Variants in PTPRK observed in about 807,000 individuals in gnomAD.
PTPRK encodes protein tyrosine phosphatase receptor type K.
In PTPRK, 75 loss-of-function variants were observed where a neutral mutation model predicts 178.0. The ratio of observed to expected loss-of-function variants is 0.42; its 90% CI spans 0.35 to 0.51. The LOEUF (loss-of-function observed/expected upper bound fraction) is 0.51. PTPRK is among the 20% of genes least tolerant of loss of function. PTPRK has a pLI of 0.02. For missense variants in PTPRK, 1,441 were observed against 1,797.8 expected (o/e 0.80, Z 3.59); for synonymous variants, 637 against 620.6 (o/e 1.03, Z -0.39).
At chr6:128,325,647 G>T (rs1027695773) in intron 2 of PTPRK, among the ~76,000 whole-genome samples, 1 of 152,046 alleles carries the variant, frequency 6.6e-6, no homozygotes, top group African/African-American at 2.4e-5. Context: ...TTAGAATGGT[G>T]ATCATTAAAA....
At chr6:127,998,648 G>GA (rs568531360) in intron 16 of PTPRK, 72 bp downstream of exon 16, 10 of 1,327,134 alleles carry the variant, frequency 7.5e-6, no homozygotes, top group African/African-American at 1.5e-5. Context: ...TAAAGAGAGG[G>GA]AAAAAAATGC....
At chr6:128,045,874 A>G (rs1231016491) in intron 13 of PTPRK, among the ~76,000 whole-genome samples, 1 of 152,046 alleles carries the variant, frequency 6.6e-6, no homozygotes, top group Admixed American at 6.6e-5. Context: ...CAATTTGACC[A>G]CTCGTTAGCC....
chr6:128,105,022 C>CG (rs1789444924), intron 7 of PTPRK, among the ~76,000 whole-genome samples: 2 of 151,920 alleles, frequency 1.3e-5, no homozygotes, highest in African/African-American at 4.8e-5. Flanking sequence ...TAATGATATT[C>CG]ATTTTTAATT....
intron 1 of PTPRK, 117 bp downstream of exon 1, chr6:128,520,142 C>T: frequency 1.1e-6 from 1 of 890,572 alleles, no homozygotes; most frequent in Non-Finnish European, 1.7e-6. Flanking sequence ...GTGTTCCCCA[C>T]CCCCGGACAG....
At position 127,998,807 on chromosome 6, in the gene PTPRK, C is replaced by T. The variant is rs369535824; in HGVS notation, c.2592G>A (p.Leu864=). 225 of 1,610,786 alleles carry T rather than the reference C, an allele frequency of 1.4e-4. No individual in the cohort carries two copies. The highest frequency in any genetic ancestry group is 1.9e-4 in the Non-Finnish European group (222 of 1,178,088). ...GTESPYQTGQ[L]HPAIRVADLL... is the part of the protein sequence containing the mutation. ...AATCAGCTACCCTGATGGCTGGATGCAGCTGTCCTGTCTGGTAAGGGGATT... is the reference window on the plus strand; with the variant it reads ...AATCAGCTACCCTGATGGCTGGATGTAGCTGTCCTGTCTGGTAAGGGGATT... Residue 864 remains leucine (L), a synonymous_variant, in exon 16 of 30, where the codon CTG becomes CTA. Coordinates refer to ENST00000368226, the MANE Select transcript of PTPRK (RefSeq NM_002844.4).
chr6:128,163,104 T>C (rs1271846486), intron 7 of PTPRK, among the ~76,000 whole-genome samples: 1 of 151,364 alleles, frequency 6.6e-6, no homozygotes, highest in African/African-American at 2.4e-5. Flanking sequence ...CTACCTTTAC[T>C]TCATTGAGAT....
intron 3 of PTPRK, among the ~76,000 whole-genome samples, chr6:128,307,761 C>T (rs1327235603): frequency 1.3e-5 from 2 of 152,108 alleles, no homozygotes; most frequent in African/African-American, 4.8e-5. Context: ...ACAATATTAT[C>T]TTTACCTAAT....
At chr6:128,367,477 T>A (rs1835674485) in intron 2 of PTPRK, among the ~76,000 whole-genome samples, 2 of 152,250 alleles carry the variant, frequency 1.3e-5, no homozygotes, top group Admixed American at 1.3e-4. Flanking sequence ...ATGTATCCAA[T>A]ATTATCCAAC....
chr6:128,086,558 C>T (rs1037735632), intron 8 of PTPRK, among the ~76,000 whole-genome samples: 1 of 152,072 alleles, frequency 6.6e-6, no homozygotes, highest in Non-Finnish European at 1.5e-5. Context: ...TATTAGGTGG[C>T]TGATAATTTA....
At chr6:128,192,601 C>T (rs1803993035) in intron 6 of PTPRK, among the ~76,000 whole-genome samples, 1 of 152,044 alleles carries the variant, frequency 6.6e-6, no homozygotes, top group Non-Finnish European at 1.5e-5. Context: ...AGGCAAATCG[C>T]TCGAGCCCAG....
intron 1 of PTPRK, among the ~76,000 whole-genome samples, chr6:128,434,962 T>TGCAGGCAGGCAG (rs373811894): frequency 2.7e-5 from 4 of 150,068 alleles, no homozygotes; most frequent in East Asian, 3.9e-4. Flanking sequence ...AGGTCAAGGT[T>TGCAGGCAGGCAG]GCAGGCAGGC....
intron 13 of PTPRK, among the ~76,000 whole-genome samples, chr6:128,063,690 A>G (rs905209646): frequency 6.6e-6 from 1 of 152,196 alleles, no homozygotes; most frequent in Admixed American, 6.5e-5. Context: ...TTAAATAAAA[A>G]CTACCAAAAG....
intron 1 of PTPRK, among the ~76,000 whole-genome samples, chr6:128,503,174 C>T (rs1855811586): frequency 6.6e-6 from 1 of 152,124 alleles, no homozygotes; most frequent in Non-Finnish European, 1.5e-5. Flanking sequence ...TGCAGTGAGC[C>T]GAGATCGCGC....
intron 1 of PTPRK, among the ~76,000 whole-genome samples, chr6:128,433,095 ATATT>A (rs1845048553): frequency 6.6e-6 from 1 of 152,158 alleles, no homozygotes; most frequent in Non-Finnish European, 1.5e-5. Context: ...ATTTACTCAA[ATATT>A]TATCATTTAT....
chr6:128,520,502 G>A lies in PTPRK; in HGVS notation c.-144C>T, dbSNP rs1027152106. On this transcript the variant is annotated 5_prime_UTR_variant, in exon 1 of 30. Coordinates refer to ENST00000368226, the MANE Select transcript of PTPRK (RefSeq NM_002844.4). ...GCCCGCCCGCCCTTTTTCCTTCTTC[G>A]CGGTCGCCAAACTACCTCAGGGGCG... The A allele has an allele frequency of 4.0e-6, 3 of 748,932 alleles. No individual in the cohort carries two copies. Among genetic ancestry groups the A allele is most frequent in the Middle Eastern group, 6.1e-4 (2 of 3,304 alleles). 46.4% of individuals were successfully genotyped at this position (748,932 alleles called of 1,614,324 possible).
intron 1 of PTPRK, among the ~76,000 whole-genome samples, chr6:128,480,656 C>T (rs1206873527): frequency 6.6e-6 from 1 of 152,080 alleles, no homozygotes; most frequent in Non-Finnish European, 1.5e-5. Flanking sequence ...AGTTTAACAC[C>T]CTCATTTTCC....
At chr6:128,081,778 A>T (rs1172496117) in intron 10 of PTPRK, among the ~76,000 whole-genome samples, 1 of 152,050 alleles carries the variant, frequency 6.6e-6, no homozygotes, top group Non-Finnish European at 1.5e-5. Context: ...TACAAAGCTA[A>T]CTCCTTGCAA....
intron 7 of PTPRK, among the ~76,000 whole-genome samples, chr6:128,104,604 T>C (rs1789373038): frequency 6.6e-6 from 1 of 152,222 alleles, no homozygotes; most frequent in Non-Finnish European, 1.5e-5. Context: ...ACTGACTGAA[T>C]AAATAGAATG....
intron 13 of PTPRK, among the ~76,000 whole-genome samples, chr6:128,029,829 T>C (rs1207947104): frequency 1.3e-5 from 2 of 152,108 alleles, no homozygotes; most frequent in Non-Finnish European, 2.9e-5. Context: ...GGATGAAAGA[T>C]AAAAGAAGAA....
Sources: allele counts gnomAD v4.1 joint callset (sites outside exome capture counted in the v4.1 genomes callset), GRCh38; gene constraint gnomAD v4.1.1; transcripts MANE v1.5; gene names NCBI Gene and HGNC (gene_info 2026-07-23, HGNC 2026-07-21).